The following TJP2 variants were observed in gnomAD, a reference collection of about 807,000 sequenced individuals.
TJP2 encodes the protein tight junction protein 2, also known as Friedreich ataxia region gene X104 (tight junction protein ZO-2).
In TJP2, 91 loss-of-function variants were observed where a neutral mutation model predicts 133.1. The observed-to-expected ratio is 0.68, with a 90% CI of 0.58 to 0.81. The LOEUF (loss-of-function observed/expected upper bound fraction) is 0.81. Among genes scored for constraint, TJP2 ranks in the 40% least tolerant of loss-of-function variants. The pLI, the probability that TJP2 is intolerant of heterozygous loss-of-function variation, is 0.00. For synonymous variants in TJP2, 592 were observed against 583.4 expected (o/e 1.01, Z -0.21); for missense variants, 1,541 against 1,565.6 (o/e 0.98, Z 0.26).
rs1350084104 is a variant in TJP2 at position 69,254,654 on chromosome 9, C to A, written c.*280C>A. ...GTTACTTGCTTCAGTGGACCGAAATCTGTATTCTGTTTGCGTACTTGTAAT... is the reference window on the plus strand; with the variant it reads ...GTTACTTGCTTCAGTGGACCGAAATATGTATTCTGTTTGCGTACTTGTAAT... On this transcript the variant is annotated 3_prime_UTR_variant, in exon 23 of 23. Transcript: ENST00000377245. 1 of 596,336 alleles carries A rather than the reference C, an allele frequency of 1.7e-6. No individual in the cohort carries two copies. The highest frequency in any genetic ancestry group is 2.0e-5 in the South Asian group (1 of 49,420). The allele number at this position is 596,336 out of a possible 1,614,324, so 36.9% of individuals were successfully genotyped here. A position where few individuals can be genotyped will look rare whatever the true frequency, so the allele number is the denominator to read the frequency against.
In TJP2 at chr9:69,203,607, ATTTTT is replaced by A. The variant is rs754221310; in HGVS notation, c.61-8921_61-8917del. Among the ~76,000 whole-genome samples the A allele has an allele frequency of 3.4e-4, 23 of 67,838 alleles. No individual in the cohort carries two copies. The East Asian group carries it at 3.9e-3, about 11-fold the overall frequency. 44.5% of individuals were successfully genotyped at this position (67,838 alleles called of 152,430 possible). A position where few individuals can be genotyped will look rare whatever the true frequency, so the allele number is the denominator to read the frequency against. Reference sequence around the variant, plus strand: ...GCATGAGCCACGGTGCCCAGCCTGGATTTTTTTTTTTTTTTTTTTTTTTTGAGACA... The same window carrying A: ...GCATGAGCCACGGTGCCCAGCCTGGATTTTTTTTTTTTTTTTTTTGAGACA... On this transcript the variant is annotated intron_variant, in intron 1 of 22. Coordinates refer to ENST00000377245, the MANE Select transcript of TJP2 (RefSeq NM_004817.4).
chr9:69,214,865 T>A (rs369970426), intron 2 of TJP2, among the ~76,000 whole-genome samples: 11 of 16,558 alleles, frequency 6.6e-4, no homozygotes, highest in African/African-American at 1.5e-3. Context: ...AGACTCCATC[T>A]CAAAAAAAAA....
At position 69,174,387 on chromosome 9, in the gene TJP2, A is replaced by T; in HGVS notation, c.15A>T (p.Gly5=). 1 of 1,551,902 alleles carries T rather than the reference A, an allele frequency of 6.4e-7. No individual in the cohort carries two copies. Among genetic ancestry groups the T allele is most frequent in the Non-Finnish European group, 8.7e-7 (1 of 1,147,144 alleles). Residue 5 remains glycine, a synonymous_variant, in exon 1 of 23, where the codon GGA becomes GGT. Transcript: ENST00000377245. MPVR[G]DRGFPPRREL... ...CTGTGTCCGAAATGCCGGTGCGAGGAGACCGCGGGTTTCCACCCCGGCGGG... is the reference window on the plus strand; with the variant it reads ...CTGTGTCCGAAATGCCGGTGCGAGGTGACCGCGGGTTTCCACCCCGGCGGG...
intron 1 of TJP2, among the ~76,000 whole-genome samples, chr9:69,137,210 T>C (rs1420695008): frequency 2.1e-5 from 1 of 46,744 alleles, no homozygotes; most frequent in Non-Finnish European, 4.5e-5. Flanking sequence ...GATCATGAGC[T>C]TCTTTGTTTT....
chr9:69,243,452 A>G (rs1287783385), intron 17 of TJP2, among the ~76,000 whole-genome samples: 1 of 152,272 alleles, frequency 6.6e-6, no homozygotes, highest in African/African-American at 2.4e-5. Flanking sequence ...CCCAAAGGCA[A>G]GTTGACTTGT....
At chr9:69,173,899 T>TCGGAG (rs1429958597), upstream of TJP2, among the ~76,000 whole-genome samples, 1 of 151,982 alleles carries the variant, frequency 6.6e-6, no homozygotes, top group African/African-American at 2.4e-5. Context: ...GCGCGCGCGC[T>TCGGAG]CGGAGCGGGA....
chr9:69,237,192 C>T, intron 14 of TJP2, 56 bp downstream of exon 14: 3 of 1,598,654 alleles, frequency 1.9e-6, no homozygotes, highest in Admixed American at 1.7e-5. Flanking sequence ...AGCCTGTTCA[C>T]CTTTATTTTC....
intron 1 of TJP2, among the ~76,000 whole-genome samples, chr9:69,196,925 A>G (rs1826598554): frequency 1.8e-5 from 1 of 56,852 alleles, no homozygotes; most frequent in African/African-American, 6.8e-5. Context: ...TTTTATATAT[A>G]TATGTGTGTG....
chr9:69,162,337 A>G (rs1308110866), intron 2 of TJP2, among the ~76,000 whole-genome samples: 2 of 151,912 alleles, frequency 1.3e-5, no homozygotes, highest in African/African-American at 4.8e-5. Flanking sequence ...CTTTTAATCT[A>G]TATTTAACAC....
chr9:69,190,018 G>A lies in TJP2; in HGVS notation c.60+15586G>A, dbSNP rs1305394332. Among the ~76,000 whole-genome samples, 2 of 55,354 alleles carry A rather than the reference G, an allele frequency of 3.6e-5. 1 individual carries two copies. Among genetic ancestry groups the A allele is most frequent in the Non-Finnish European group, 8.9e-5 (2 of 22,588 alleles). The allele number at this position is 55,354 out of a possible 152,430, so 36.3% of individuals were successfully genotyped here. On this transcript the variant is annotated intron_variant, in intron 1 of 22. Transcript: ENST00000377245. ...CCAGCTACTTGGGAGGCTGAGGCAG[G>A]AGAATGGCATGAACCTGGGAGGTGG...
intron 1 of TJP2, among the ~76,000 whole-genome samples, chr9:69,134,201 T>G (rs1295529917): frequency 6.6e-6 from 1 of 151,620 alleles, no homozygotes; most frequent in Non-Finnish European, 1.5e-5. Flanking sequence ...GTAGAGGGAG[T>G]GAATGAATGA....
intron 1 of TJP2, among the ~76,000 whole-genome samples, chr9:69,207,803 C>G (rs1032876355): frequency 2.0e-5 from 3 of 152,206 alleles, no homozygotes; most frequent in African/African-American, 4.8e-5. Context: ...CAGCTCTCAG[C>G]TAAGCTGCTG....
rs77236826 is a variant in TJP2 at position 69,248,319 on chromosome 9, A to G, written c.2880+95A>G. On this transcript the variant is annotated intron_variant, in intron 19 of 22. Transcript: ENST00000377245. ...GTGTGTTCAGGGTGCTGTGGAAGGC[A>G]TTCCTAAGGGTTGGAGCAGATGACT... 0.078 allele frequency: 115,527 copies of G among 1,484,356 alleles called. 4,799 individuals carry two copies. Among genetic ancestry groups the G allele is most frequent in the South Asian group, 0.088 (6,406 of 72,602 alleles). The allele number at this position is 1,484,356 out of a possible 1,614,324, so 91.9% of individuals were successfully genotyped here.
chr9:69,234,585 G>A, intron 12 of TJP2, 38 bp downstream of exon 12: 1 of 1,201,600 alleles, frequency 8.3e-7, no homozygotes, highest in Non-Finnish European at 1.2e-6. Context: ...TTGGGGTGGG[G>A]GTGGGGAGTG....
chr9:69,248,464 A>T (rs1257735080), intron 19 of TJP2: 8 of 1,352,710 alleles, frequency 5.9e-6, no homozygotes, highest in Admixed American at 3.2e-5. Flanking sequence ...CCATGCCCTC[A>T]GGTGCGATGG....
At chr9:69,172,008 G>A (rs1824714468), upstream of TJP2, among the ~76,000 whole-genome samples, 4 of 152,084 alleles carry the variant, frequency 2.6e-5, no homozygotes, top group South Asian at 8.3e-4. Context: ...TGTTGGCCAG[G>A]ATGGTCTTGA....
chr9:69,150,845 A>C (rs530976425), intron 1 of TJP2, among the ~76,000 whole-genome samples: 2 of 152,348 alleles, frequency 1.3e-5, no homozygotes, highest in East Asian at 3.9e-4. Context: ...ATGACCAAAG[A>C]GTAGAAACAA....
chr9:69,225,251 G>C, intron 5 of TJP2, 53 bp from the exon 6 acceptor site: 1 of 1,255,508 alleles, frequency 8.0e-7, no homozygotes, highest in Non-Finnish European at 1.2e-6. Flanking sequence ...ACCAGACTAA[G>C]TTTTTTGAAC....
At chr9:69,181,842 A>G (rs1825534287) in intron 1 of TJP2, among the ~76,000 whole-genome samples, 1 of 152,162 alleles carries the variant, frequency 6.6e-6, no homozygotes, top group Admixed American at 6.5e-5. Context: ...AAAGTGATGG[A>G]AAGATCTATT....
Sources: gnomAD v4.1 joint callset for allele counts (sites outside exome capture counted in the v4.1 genomes callset) on GRCh38, gnomAD v4.1.1 for gene constraint, MANE v1.5 for transcripts, NCBI Gene and HGNC (gene_info 2026-07-23, HGNC 2026-07-21) for gene names.